Variants in SEL1L2 observed in about 807,000 individuals in gnomAD.
SEL1L2 encodes SEL1L2 adaptor subunit of SYVN1 ubiquitin ligase, also known as protein sel-1 homolog 2.
SEL1L2 carries 89 observed loss-of-function variants against 98.8 expected under a neutral mutation model. That is an observed-to-expected ratio of 0.90 (90% CI 0.76 to 1.07). The LOEUF (loss-of-function observed/expected upper bound fraction) is 1.07, where lower values mean the gene tolerates loss of function less well. SEL1L2 is among the 50% of genes least tolerant of loss of function. The pLI, the probability that SEL1L2 is intolerant of heterozygous loss-of-function variation, is 0.00. For synonymous variants in SEL1L2, 262 were observed against 278.5 expected (o/e 0.94, Z 0.59); for missense variants, 788 against 812.0 (o/e 0.97, Z 0.36).
intron 18 of SEL1L2, among the ~76,000 whole-genome samples, chr20:13,855,340 T>C (rs1988976745): frequency 6.6e-6 from 1 of 152,030 alleles, no homozygotes; most frequent in African/African-American, 2.4e-5. Context: ...TGGACTTCAT[T>C]TAGCAATAAA....
intron 3 of SEL1L2, among the ~76,000 whole-genome samples, chr20:13,930,654 C>T (rs925550674): frequency 1.4e-4 from 21 of 152,080 alleles, no homozygotes; most frequent in Non-Finnish European, 2.2e-4. Flanking sequence ...GAAAAAAATA[C>T]GCTTAAAATA....
At chr20:13,961,561 C>A (rs868499601) in intron 1 of SEL1L2, among the ~76,000 whole-genome samples, 1 of 152,270 alleles carries the variant, frequency 6.6e-6, no homozygotes, top group African/African-American at 2.4e-5. Context: ...AAGCCACTAG[C>A]TTGGGTTAAA....
At chr20:13,879,597 C>T (rs2147932202) in intron 10 of SEL1L2, among the ~76,000 whole-genome samples, 1 of 152,220 alleles carries the variant, frequency 6.6e-6, no homozygotes, top group African/African-American at 2.4e-5. Flanking sequence ...AGGTGATCCT[C>T]CCATTTCGAC....
intron 2 of SEL1L2, among the ~76,000 whole-genome samples, chr20:13,940,885 G>A (rs2049744187): frequency 6.6e-6 from 1 of 152,170 alleles, no homozygotes; most frequent in Non-Finnish European, 1.5e-5. Context: ...GGGTGACAGA[G>A]CGAGACTCCA....
At chr20:13,980,826 TA>T (rs1285955052) in intron 1 of SEL1L2, among the ~76,000 whole-genome samples, 1 of 152,192 alleles carries the variant, frequency 6.6e-6, no homozygotes, top group East Asian at 1.9e-4. Flanking sequence ...GAAATCATGC[TA>T]TTTGCAACAA....
chr20:13,909,310 GGTCCTA>G (rs2048116094), intron 5 of SEL1L2, among the ~76,000 whole-genome samples: 1 of 152,202 alleles, frequency 6.6e-6, no homozygotes, highest in Non-Finnish European at 1.5e-5. Context: ...TGGCCAGTCT[GGTCCTA>G]GCAACCAGCC....
In SEL1L2 at chr20:13,922,741, G is replaced by A. The variant is rs140022320; in HGVS notation, c.284-3618C>T. Among the ~76,000 whole-genome samples, 228 of 152,178 alleles carry A rather than the reference G, an allele frequency of 1.5e-3. 1 individual carries two copies. The highest frequency in any genetic ancestry group is 5.1e-3 in the African/African-American group (210 of 41,520). The stretch of plus-strand genomic sequence containing the variant: ...TTAGCTCTATATGATCCTTTACGTG[G>A]TTTGTGATGTAAATATAACTTGAGA... On this transcript the variant is annotated intron_variant, in intron 3 of 19. Coordinates refer to ENST00000284951, the MANE Select transcript of SEL1L2 (RefSeq NM_025229.2).
intron 17 of SEL1L2, among the ~76,000 whole-genome samples, chr20:13,862,076 C>T (rs1990228195): frequency 6.6e-6 from 1 of 152,158 alleles, no homozygotes; most frequent in Non-Finnish European, 1.5e-5. Flanking sequence ...AGGACAAGCA[C>T]CTTGAACTCT....
At chr20:13,958,368 G>C (rs898899182) in intron 1 of SEL1L2, among the ~76,000 whole-genome samples, 34 of 152,136 alleles carry the variant, frequency 2.2e-4, no homozygotes, top group Non-Finnish European at 4.4e-4. Context: ...GGAATTTGCC[G>C]TTTGATATTG....
At chr20:13,905,011 T>C (rs535794253) in intron 5 of SEL1L2, among the ~76,000 whole-genome samples, 6 of 152,174 alleles carry the variant, frequency 3.9e-5, no homozygotes, top group African/African-American at 1.4e-4. Flanking sequence ...TGTGTGAGAG[T>C]TGTATTTCCA....
At chr20:13,957,314 C>T (rs991952923) in intron 1 of SEL1L2, among the ~76,000 whole-genome samples, 1 of 152,136 alleles carries the variant, frequency 6.6e-6, no homozygotes, top group Non-Finnish European at 1.5e-5. Context: ...GTTAGCCAGG[C>T]TGGTCTTGAA....
chr20:13,866,913 G>A (rs1991138105), intron 14 of SEL1L2, 63 bp from the exon 15 acceptor site: 3 of 1,424,568 alleles, frequency 2.1e-6, no homozygotes, highest in African/African-American at 1.5e-5. Flanking sequence ...TATAATCTAT[G>A]GATATAATAG....
At chr20:13,901,071 C>CTTTTTTTTTT (rs746353560) in intron 5 of SEL1L2, among the ~76,000 whole-genome samples, 4 of 133,302 alleles carry the variant, frequency 3.0e-5, no homozygotes, top group Non-Finnish European at 4.8e-5. Flanking sequence ...TTCTTTCTTT[C>CTTTTTTTTTT]TTTCTTTTTT....
intron 2 of SEL1L2, among the ~76,000 whole-genome samples, chr20:13,946,160 A>AT (rs2049997984): frequency 1.3e-5 from 2 of 152,318 alleles, no homozygotes; most frequent in South Asian, 4.1e-4. Context: ...GGGAAAAGTT[A>AT]TAAAAAAAAA....
intron 10 of SEL1L2, among the ~76,000 whole-genome samples, chr20:13,881,718 G>A (rs1448935230): frequency 6.6e-6 from 1 of 152,150 alleles, no homozygotes; most frequent in Non-Finnish European, 1.5e-5. Flanking sequence ...GGAAAAGAAA[G>A]GCAAGCTAGT....
At chr20:13,875,984 T>C (rs2147900018) in intron 12 of SEL1L2, 54 bp downstream of exon 12, 6 of 1,359,138 alleles carry the variant, frequency 4.4e-6, no homozygotes, top group South Asian at 1.2e-5. Context: ...CCAGTCTGCG[T>C]GTAATAAAAG....
At chr20:13,974,473 C>CTATTTTTTTTTTTTTTTTTTTTTTTT (rs1252330288) in intron 1 of SEL1L2, among the ~76,000 whole-genome samples, 1 of 85,286 alleles carries the variant, frequency 1.2e-5, no homozygotes, top group African/African-American at 4.1e-5. Flanking sequence ...CTCTCTCTCT[C>CTATTTTTTTTTTTTTTTTTTTTTTTT]TCTTTTTTTT....
chr20:13,919,657 G>A (rs143685062), intron 3 of SEL1L2, among the ~76,000 whole-genome samples: 132 of 152,220 alleles, frequency 8.7e-4, no homozygotes, highest in African/African-American at 2.7e-3. Flanking sequence ...GGTGACTCAC[G>A]CCTGTAATCC....
chr20:13,851,927 T>C (rs2147698266), intron 18 of SEL1L2, among the ~76,000 whole-genome samples: 1 of 152,292 alleles, frequency 6.6e-6, no homozygotes, highest in African/African-American at 2.4e-5. Context: ...TTTCCAAAGC[T>C]TTATGGTCTG....
Sources: gnomAD v4.1 joint callset for allele counts (sites outside exome capture counted in the v4.1 genomes callset) on GRCh38, gnomAD v4.1.1 for gene constraint, MANE v1.5 for transcripts, NCBI Gene and HGNC (gene_info 2026-07-23, HGNC 2026-07-21) for gene names.